Variants in PSG6 observed in about 807,000 individuals in gnomAD.
The protein encoded by PSG6 is pregnancy specific beta-1-glycoprotein 6.
Under a neutral mutation model 43.3 loss-of-function variants are expected in PSG6, and 51 were observed. The observed-to-expected ratio is 1.18, with a 90% CI of 0.94 to 1.49. The LOEUF (loss-of-function observed/expected upper bound fraction) is 1.49. Ranked by LOEUF, PSG6 falls within the 40% of genes most tolerant of loss-of-function variation. The pLI, the probability that PSG6 is intolerant of heterozygous loss-of-function variation, is 0.00. For missense variants in PSG6, 770 were observed against 522.2 expected (o/e 1.47, Z -4.62); for synonymous variants, 292 against 197.6 (o/e 1.48, Z -4.01).
rs1242656918 is a variant in PSG6 at position 42,916,579 on chromosome 19, A to C, written c.65-92T>G. ...GTGTCCTGAGAAGGTCTCTTCAATCATCAGCCTTGAAGATATGCACACACA... is the reference window on the plus strand; with the variant it reads ...GTGTCCTGAGAAGGTCTCTTCAATCCTCAGCCTTGAAGATATGCACACACA... On this transcript the variant is annotated intron_variant, in intron 1 of 5. Transcript: ENST00000187910. 2.8e-5 allele frequency: 42 copies of C among 1,482,094 alleles called. 1 individual carries two copies. Among genetic ancestry groups the C allele is most frequent in the Non-Finnish European group, 3.6e-5 (40 of 1,096,556 alleles). 91.8% of individuals were successfully genotyped at this position (1,482,094 alleles called of 1,614,324 possible). A position where few individuals can be genotyped will look rare whatever the true frequency, so the allele number is the denominator to read the frequency against.
At chr19:42,904,641 T>A (rs568469158) in intron 5 of PSG6, among the ~76,000 whole-genome samples, 9 of 151,826 alleles carry the variant, frequency 5.9e-5, no homozygotes, top group South Asian at 4.2e-4. Flanking sequence ...AAATGAAAGA[T>A]GACATCAATA....
intron 3 of PSG6, among the ~76,000 whole-genome samples, chr19:42,908,173 ACC>A (rs1421821290): frequency 6.6e-6 from 1 of 151,480 alleles, no homozygotes; most frequent in Non-Finnish European, 1.5e-5. Flanking sequence ...TGGCTGGCTC[ACC>A]CTGGGTTCCT....
intron 5 of PSG6, among the ~76,000 whole-genome samples, chr19:42,903,141 A>T (rs1243784423): frequency 1.3e-5 from 2 of 151,610 alleles, no homozygotes; most frequent in African/African-American, 2.4e-5. Context: ...ATTTGACCTC[A>T]AGGCTAATGA....
At chr19:42,913,989 T>C (rs1972275624) in intron 2 of PSG6, among the ~76,000 whole-genome samples, 1 of 151,726 alleles carries the variant, frequency 6.6e-6, no homozygotes, top group African/African-American at 2.4e-5. Context: ...GACTTGGAGT[T>C]CTTAAAATCT....
rs990475392 is a variant in PSG6 at position 42,902,090 on chromosome 19, C to G, written c.*322G>C. On this transcript the variant is annotated 3_prime_UTR_variant, in exon 6 of 6. Transcript: ENST00000187910. ...ATAAAGAGAGCAGATTCTTACTGAACTTGTGCAAATAACTTTATTACCATA... is the reference window on the plus strand; with the variant it reads ...ATAAAGAGAGCAGATTCTTACTGAAGTTGTGCAAATAACTTTATTACCATA... 5 of 249,840 alleles carry G rather than the reference C, an allele frequency of 2.0e-5. No homozygotes were observed. The highest frequency in any genetic ancestry group is 1.4e-4 in the South Asian group (2 of 14,772). The allele number at this position is 249,840 out of a possible 1,614,324, so 15.5% of individuals were successfully genotyped here.
At chr19:42,909,113 G>T (rs148220839) in intron 3 of PSG6, among the ~76,000 whole-genome samples, 2,331 of 151,816 alleles carry the variant, frequency 0.015, 88 homozygotes, top group Admixed American at 0.047. Context: ...AAATCTGAAA[G>T]ATTCAAAATG....
chr19:42,915,698 C>T, intron 2 of PSG6: 1 of 242,598 alleles, frequency 4.1e-6, no homozygotes, highest in East Asian at 8.7e-5. Context: ...GGCTCCTCAG[C>T]TTTACCTGGA....
At position 42,909,333 on chromosome 19, in the gene PSG6, T is replaced by C. The variant is rs1972176109; in HGVS notation, c.706+1247A>G. On this transcript the variant is annotated intron_variant, in intron 3 of 5. Coordinates refer to ENST00000187910, the MANE Select transcript of PSG6 (RefSeq NM_001031850.4). The stretch of plus-strand genomic sequence containing the variant: ...GAAAGGCTGATTGCTATTTTCTATG[T>C]CATCAGAACTTTCCACCTTTTCTGG... Among the ~76,000 whole-genome samples, 5 of 151,654 alleles carry C rather than the reference T, an allele frequency of 3.3e-5. No individual in the cohort carries two copies. In the South Asian group the frequency reaches 1.1e-3, roughly 32 times the overall value.
chr19:42,904,703 G>A (rs1972085453), intron 5 of PSG6, among the ~76,000 whole-genome samples: 1 of 151,622 alleles, frequency 6.6e-6, no homozygotes, highest in Admixed American at 6.6e-5. Flanking sequence ...ATTGTTAGGA[G>A]GACAGTGCTG....
chr19:42,917,802 T>C lies in PSG6; in HGVS notation c.-10A>G. ...CTGAGAGGGGTCCCATGGTCTCTGC[T>C]GTCTGTGTGTTCTCCCCTGTGGAGA... On this transcript the variant is annotated 5_prime_UTR_variant, in exon 1 of 6. Transcript: ENST00000187910. The C allele has an allele frequency of 6.2e-7, 1 of 1,608,168 alleles. No individual in the cohort carries two copies. Among genetic ancestry groups the C allele is most frequent in the South Asian group, 1.1e-5 (1 of 90,380 alleles).
At position 42,903,719 on chromosome 19, in the gene PSG6, T is replaced by G; in HGVS notation, c.1241-1273A>C. The G allele has an allele frequency of 1.3e-6, 2 of 1,495,748 alleles. 1 individual carries two copies. Among genetic ancestry groups the G allele is most frequent in the Non-Finnish European group, 1.8e-6 (2 of 1,126,554 alleles). 92.7% of individuals were successfully genotyped at this position (1,495,748 alleles called of 1,614,324 possible). ...GCATAGGTAACCTGGGGAGATGCTG[T>G]CTCTACAAAAAAAAAAAAAACCAAT... On this transcript the variant is annotated intron_variant, in intron 5 of 5. Transcript: ENST00000187910.
Position 42,907,708 on chromosome 19 carries a change from C to A in PSG6, c.853G>T (p.Val285Leu), listed in dbSNP as rs771270387. Residue 285 changes from valine (V) to leucine (L), a missense_variant, in exon 4 of 6, where the codon GTA becomes TTA. By Grantham distance (32) the Val-to-Leu change is conservative. Coordinates refer to ENST00000187910, the MANE Select transcript of PSG6 (RefSeq NM_001031850.4). ...ATCCTGTTTTCAATGGGTCGCTTTA[C>A]CCTCGGACTGACCGGGAGGCTCTGA... is the stretch of plus-strand genomic sequence containing the variant. ...NGQSLPVSPR[V>L]KRPIENRILI... 6.2e-7 allele frequency: 1 copy of A among 1,610,882 alleles called. No individual in the cohort carries two copies. The highest frequency in any genetic ancestry group is 8.5e-7 in the Non-Finnish European group (1 of 1,179,116).
intron 5 of PSG6, among the ~76,000 whole-genome samples, chr19:42,904,711 C>A (rs1324427674): frequency 6.6e-6 from 1 of 151,628 alleles, no homozygotes; most frequent in African/African-American, 2.4e-5. Context: ...GAGGACAGTG[C>A]TGCCCAAAGT....
chr19:42,906,853 G>A (rs1380022464), intron 5 of PSG6, 69 bp downstream of exon 5: 9 of 1,610,154 alleles, frequency 5.6e-6, no homozygotes, highest in African/African-American at 1.3e-5. Flanking sequence ...ATGTTTTCCT[G>A]ACTCTTCTCT....
intron 2 of PSG6, among the ~76,000 whole-genome samples, chr19:42,912,954 C>G (rs562524178): frequency 1.3e-5 from 2 of 151,768 alleles, no homozygotes; most frequent in African/African-American, 4.8e-5. Flanking sequence ...TGTCCCACAA[C>G]TACAAAATTT....
chr19:42,906,862 C>A (rs776901810), intron 5 of PSG6, 60 bp downstream of exon 5: 1 of 1,611,070 alleles, frequency 6.2e-7, no homozygotes. Context: ...TGACTCTTCT[C>A]TGAAAGCCAG....
Position 42,907,068 on chromosome 19 carries a change from C to G in PSG6, c.1094G>C (p.Trp365Ser). 1.2e-6 allele frequency: 2 copies of G among 1,612,652 alleles called. No individual in the cohort carries two copies. The highest frequency in any genetic ancestry group is 1.7e-6 in the Non-Finnish European group (2 of 1,179,250). Residue 365 changes from tryptophan to serine, a missense_variant, in exon 5 of 6, where the codon TGG (tryptophan) becomes TCG (serine). Coordinates refer to ENST00000187910, the MANE Select transcript of PSG6 (RefSeq NM_001031850.4). ...TAGCTGAAACTTCCCATTAATTGTC[C>G]AAGAATACTCTGCCGGTGGGTTAGA... ...ADSNPPAEYS[W>S]TINGKFQLSG...
chr19:42,908,104 C>T (rs368710852), intron 3 of PSG6, among the ~76,000 whole-genome samples: 15 of 151,684 alleles, frequency 9.9e-5, no homozygotes, highest in South Asian at 2.1e-4. Flanking sequence ...CATGGACAGA[C>T]ACGTCAGTGG....
At chr19:42,903,678 C>G (rs1428182910) in intron 5 of PSG6, 4 of 1,532,766 alleles carry the variant, frequency 2.6e-6, no homozygotes, top group Non-Finnish European at 3.5e-6. Flanking sequence ...TTTCTTGAAA[C>G]CAGGTGTTTG....
Sources: gnomAD v4.1 joint callset for allele counts (sites outside exome capture counted in the v4.1 genomes callset) on GRCh38, gnomAD v4.1.1 for gene constraint, MANE v1.5 for transcripts, NCBI Gene and HGNC (gene_info 2026-07-23, HGNC 2026-07-21) for gene names.